The following GRAMD1B variants were observed in gnomAD, a reference collection of about 807,000 sequenced individuals.
GRAMD1B encodes GRAM domain containing 1B.
GRAMD1B carries 37 observed loss-of-function variants against 99.7 expected under a neutral mutation model. That is an observed-to-expected ratio of 0.37 (90% confidence interval 0.29 to 0.49). GRAMD1B has a LOEUF of 0.49. GRAMD1B is among the 20% of genes least tolerant of loss of function. GRAMD1B has a pLI of 0.98. For missense variants in GRAMD1B, 888 were observed against 1,009.2 expected (o/e 0.88, Z 1.63); for synonymous variants, 427 against 387.6 (o/e 1.10, Z -1.19).
Position 123,577,569 on chromosome 11 carries a change from A to T in GRAMD1B, c.655A>T (p.Asn219Tyr), listed in dbSNP as rs2136232322. The T allele has an allele frequency of 6.3e-7, 1 of 1,583,730 alleles. No individual in the cohort carries two copies. The highest frequency in any genetic ancestry group is 1.2e-5 in the South Asian group (1 of 86,368). The stretch of plus-strand genomic sequence containing the variant: ...CCAGTCCGGCCGGAGCGGCGGCAAG[A>T]ATTCCAAGGTGAGCGGGACCCCGTT... ...SSQSGRSGGK[N>Y]SKKSQSWYNV... is the part of the protein sequence containing the mutation. The change falls in exon 3 of 20, where the codon AAT becomes TAT. Residue 219 changes from asparagine (N) to tyrosine (Y), a missense_variant. Around this residue, in one of 5 missense-constraint regions of GRAMD1B, gnomAD observed 62 missense variants for 139.4 expected, o/e 0.44. Coordinates refer to ENST00000635736, the MANE Select transcript of GRAMD1B (RefSeq NM_001387025.1).
intron 1 of GRAMD1B, among the ~76,000 whole-genome samples, chr11:123,433,625 A>G (rs915946766): frequency 6.6e-6 from 1 of 151,794 alleles, no homozygotes; most frequent in Admixed American, 6.6e-5. Context: ...GTGAATAACC[A>G]CTGCATTTCA....
At chr11:123,426,162 A>G (rs1461728549), upstream of GRAMD1B, among the ~76,000 whole-genome samples, 1 of 152,238 alleles carries the variant, frequency 6.6e-6, no homozygotes, top group East Asian at 1.9e-4. Context: ...TACTTTAAAA[A>G]GAAACAATCT....
At chr11:123,571,103 A>G (rs2136144940) in intron 2 of GRAMD1B, among the ~76,000 whole-genome samples, 1 of 152,326 alleles carries the variant, frequency 6.6e-6, no homozygotes, top group African/African-American at 2.4e-5. Flanking sequence ...ACAGGTACAT[A>G]TTTTGCAATA....
intron 3 of GRAMD1B, among the ~76,000 whole-genome samples, chr11:123,581,951 C>T (rs1185584351): frequency 6.6e-6 from 1 of 152,228 alleles, no homozygotes; most frequent in South Asian, 2.1e-4. Context: ...CATCCGGGGT[C>T]CCCCTGTCAG....
At chr11:123,554,524 A>AC (rs1217491287) in intron 2 of GRAMD1B, among the ~76,000 whole-genome samples, 2 of 116,874 alleles carry the variant, frequency 1.7e-5, no homozygotes, top group South Asian at 2.9e-4. Context: ...CCCCATCTTT[A>AC]CAAAAAAAAA....
intron 7 of GRAMD1B, chr11:123,598,155 A>G: frequency 2.0e-5 from 31 of 1,553,064 alleles, no homozygotes; most frequent in Non-Finnish European, 2.7e-5. Flanking sequence ...ATGCCATGCC[A>G]TGAGCATGAT....
chr11:123,536,074 C>T (rs890300759), intron 2 of GRAMD1B, among the ~76,000 whole-genome samples: 1 of 152,180 alleles, frequency 6.6e-6, no homozygotes, highest in Non-Finnish European at 1.5e-5. Context: ...ACTGGTGTGA[C>T]TATGGAGAAG....
chr11:123,427,403 G>A (rs1023135610), upstream of GRAMD1B, among the ~76,000 whole-genome samples: 4 of 152,212 alleles, frequency 2.6e-5, no homozygotes, highest in Non-Finnish European at 5.9e-5. Context: ...GGAAGACACA[G>A]TGTGATGTAT....
chr11:123,530,136 T>G (rs1207934078), intron 2 of GRAMD1B, among the ~76,000 whole-genome samples: 1 of 152,146 alleles, frequency 6.6e-6, no homozygotes, highest in Middle Eastern at 3.4e-3. Context: ...TCACACTGTT[T>G]AGGAGGATAA....
intron 2 of GRAMD1B, among the ~76,000 whole-genome samples, chr11:123,487,460 T>C (rs1239670439): frequency 6.6e-6 from 1 of 152,176 alleles, no homozygotes; most frequent in Non-Finnish European, 1.5e-5. Flanking sequence ...TGCAGCGCCA[T>C]ATCCTAGGAG....
chr11:123,605,315 C>G lies in GRAMD1B; in HGVS notation c.1167-7C>G. 6.3e-7 allele frequency: 1 copy of G among 1,596,204 alleles called. No individual in the cohort carries two copies. Among genetic ancestry groups the G allele is most frequent in the Non-Finnish European group, 8.6e-7 (1 of 1,169,510 alleles). On this transcript the variant is annotated splice_polypyrimidine_tract_variant and splice_region_variant and intron_variant, in intron 9 of 19. Transcript: ENST00000635736. ...GGTAATGTGGACTCACTGGTGTCTCCTCTCAGATACTGTGAAGAGATCCCT... is the reference window on the plus strand; with the variant it reads ...GGTAATGTGGACTCACTGGTGTCTCGTCTCAGATACTGTGAAGAGATCCCT...
chr11:123,511,641 C>T (rs975421222), intron 2 of GRAMD1B, among the ~76,000 whole-genome samples: 1 of 152,114 alleles, frequency 6.6e-6, no homozygotes, highest in Non-Finnish European at 1.5e-5. Context: ...GGGAGCCTTG[C>T]TTTTTGGCCA....
intron 9 of GRAMD1B, among the ~76,000 whole-genome samples, chr11:123,604,305 G>A (rs1952405778): frequency 6.6e-6 from 1 of 152,216 alleles, no homozygotes; most frequent in Admixed American, 6.5e-5. Flanking sequence ...AGGACTGCCT[G>A]GGAGCACTCA....
intron 1 of GRAMD1B, among the ~76,000 whole-genome samples, chr11:123,368,616 C>T (rs1227583072): frequency 8.0e-6 from 1 of 124,234 alleles, no homozygotes; most frequent in Non-Finnish European, 1.6e-5. Context: ...GGAGGCGGAA[C>T]TTGCAGTGAG....
chr11:123,474,789 T>C (rs2714048), intron 1 of GRAMD1B, among the ~76,000 whole-genome samples: 100,552 of 152,022 alleles, frequency 0.66, 34,625 homozygotes, highest in African/African-American at 0.85. Context: ...CTAATTAGCA[T>C]GAGATAATTG....
At chr11:123,468,611 T>C (rs1389834927) in intron 1 of GRAMD1B, among the ~76,000 whole-genome samples, 1 of 151,950 alleles carries the variant, frequency 6.6e-6, no homozygotes, top group Non-Finnish European at 1.5e-5. Flanking sequence ...CTGGGCAAGA[T>C]GGTGAGACCT....
chr11:123,461,935 T>G (rs1944027150), intron 1 of GRAMD1B, among the ~76,000 whole-genome samples: 1 of 150,924 alleles, frequency 6.6e-6, no homozygotes, highest in Non-Finnish European at 1.5e-5. Flanking sequence ...GTGCAGGTTT[T>G]TTTTTTTTCT....
At chr11:123,601,370 GCAAGACC>G (rs1951938742) in intron 8 of GRAMD1B, among the ~76,000 whole-genome samples, 2 of 150,386 alleles carry the variant, frequency 1.3e-5, no homozygotes, top group African/African-American at 4.8e-5. Flanking sequence ...GGATGACAGA[GCAAGACC>G]CTGTTTCAAT....
intron 1 of GRAMD1B, among the ~76,000 whole-genome samples, chr11:123,434,512 G>A (rs537167204): frequency 1.3e-5 from 2 of 152,274 alleles, no homozygotes; most frequent in Admixed American, 1.3e-4. Flanking sequence ...TTGGTGGCGG[G>A]GTGTGGTAGC....
Sources: gnomAD v4.1 joint callset for allele counts (sites outside exome capture counted in the v4.1 genomes callset) on GRCh38, gnomAD v4.1.1 for gene constraint, gnomAD v4.1.1 regional missense constraint, MANE v1.5 for transcripts, NCBI Gene and HGNC (gene_info 2026-07-23, HGNC 2026-07-21) for gene names.